The following CNTN3 variants were observed in gnomAD, a reference collection of about 807,000 sequenced individuals.
CNTN3 encodes the protein contactin-3.
Under a neutral mutation model 119.1 loss-of-function variants are expected in CNTN3, and 60 were observed. That is an observed-to-expected ratio of 0.50 (90% CI 0.41 to 0.62). The LOEUF (loss-of-function observed/expected upper bound fraction) is 0.62. Ranked by LOEUF, CNTN3 falls within the 20% of genes least tolerant of loss-of-function variation. CNTN3 has a pLI of 0.00. For missense variants in CNTN3, 1,101 were observed against 1,242.4 expected (o/e 0.89, Z 1.71); for synonymous variants, 450 against 438.7 (o/e 1.03, Z -0.32).
chr3:74,613,764 G>A (rs1424486575), intron 1 of CNTN3, among the ~76,000 whole-genome samples: 1 of 152,140 alleles, frequency 6.6e-6, no homozygotes, highest in Non-Finnish European at 1.5e-5. Flanking sequence ...GGTTAGCTTT[G>A]CAGGCTCCTC....
chr3:74,584,821 A>G (rs1704568099), intron 1 of CNTN3, among the ~76,000 whole-genome samples: 1 of 152,122 alleles, frequency 6.6e-6, no homozygotes, highest in Admixed American at 6.6e-5. Flanking sequence ...GGCTTATAGA[A>G]ATGTCATGCT....
intron 1 of CNTN3, among the ~76,000 whole-genome samples, chr3:74,599,264 G>C (rs1704866423): frequency 6.6e-6 from 1 of 152,070 alleles, no homozygotes; most frequent in Non-Finnish European, 1.5e-5. Flanking sequence ...TTCCTGCTTT[G>C]ATACTGCTCA....
chr3:74,289,723 G>C (rs1337641542), intron 19 of CNTN3, among the ~76,000 whole-genome samples: 3 of 152,142 alleles, frequency 2.0e-5, no homozygotes, highest in Non-Finnish European at 4.4e-5. Flanking sequence ...TGGAGAGCTC[G>C]AACAACTTGC....
chr3:74,454,496 A>T (rs1000779112), intron 4 of CNTN3, among the ~76,000 whole-genome samples: 1 of 152,008 alleles, frequency 6.6e-6, no homozygotes, highest in African/African-American at 2.4e-5. Flanking sequence ...TAATTGGAGA[A>T]TTTAGTCCAT....
At chr3:74,564,138 T>C (rs541902511) in intron 1 of CNTN3, among the ~76,000 whole-genome samples, 1 of 152,262 alleles carries the variant, frequency 6.6e-6, no homozygotes, top group Admixed American at 6.5e-5. Flanking sequence ...GCTTATGCTA[T>C]GGAGGAGATC....
intron 1 of CNTN3, among the ~76,000 whole-genome samples, chr3:74,596,857 T>C (rs1487473439): frequency 6.6e-6 from 1 of 152,064 alleles, no homozygotes; most frequent in Non-Finnish European, 1.5e-5. Context: ...TCAGAAGATA[T>C]TACTATTTAA....
intron 1 of CNTN3, among the ~76,000 whole-genome samples, chr3:74,545,801 T>A (rs565388236): frequency 2.9e-4 from 44 of 152,280 alleles, no homozygotes; most frequent in Admixed American, 1.1e-3. Context: ...CTGATAAGAT[T>A]TTTAAAGAAC....
chr3:74,325,520 T>A (rs1258585936), intron 13 of CNTN3, among the ~76,000 whole-genome samples: 1 of 151,990 alleles, frequency 6.6e-6, no homozygotes, highest in Non-Finnish European at 1.5e-5. Flanking sequence ...TTTAAAAAAA[T>A]GAAGGAAAAA....
intron 5 of CNTN3, among the ~76,000 whole-genome samples, chr3:74,396,686 C>T (rs1671479693): frequency 7.2e-6 from 1 of 139,682 alleles, no homozygotes; most frequent in Admixed American, 7.9e-5. Context: ...GCGGAGCTTG[C>T]AGTGAGCTGA....
chr3:74,550,198 T>G (rs1438424868), intron 1 of CNTN3, among the ~76,000 whole-genome samples: 1 of 152,178 alleles, frequency 6.6e-6, no homozygotes, highest in African/African-American at 2.4e-5. Flanking sequence ...AGGGTGATGC[T>G]GCAAGAAAGC....
At chr3:74,273,219 T>C (rs952103321) in intron 20 of CNTN3, among the ~76,000 whole-genome samples, 1 of 152,202 alleles carries the variant, frequency 6.6e-6, no homozygotes, top group Admixed American at 6.5e-5. Flanking sequence ...ACATTCAGAC[T>C]CATTCTTTCA....
chr3:74,410,448 T>C (rs951554008), intron 5 of CNTN3, among the ~76,000 whole-genome samples: 11 of 152,198 alleles, frequency 7.2e-5, no homozygotes, highest in African/African-American at 2.7e-4. Context: ...TTATACCAGA[T>C]GTCAGGTGTA....
chr3:74,550,534 T>C (rs7433101), intron 1 of CNTN3, among the ~76,000 whole-genome samples: 1 of 151,988 alleles, frequency 6.6e-6, no homozygotes, highest in African/African-American at 2.4e-5. Flanking sequence ...GTTGTTGTTG[T>C]TGGTGTTATT....
chr3:74,432,636 G>T (rs763880316), intron 4 of CNTN3, among the ~76,000 whole-genome samples: 1 of 152,140 alleles, frequency 6.6e-6, no homozygotes, highest in Non-Finnish European at 1.5e-5. Context: ...CTTTCTTCCT[G>T]CCTTATGGCA....
intron 5 of CNTN3, among the ~76,000 whole-genome samples, chr3:74,413,487 C>A (rs1701471241): frequency 1.3e-5 from 2 of 152,242 alleles, no homozygotes; most frequent in Middle Eastern, 3.4e-3. Context: ...CTGTAACCAG[C>A]AAATGGGAAA....
chr3:74,519,622 C>T (rs918126043), intron 2 of CNTN3, among the ~76,000 whole-genome samples: 1 of 151,600 alleles, frequency 6.6e-6, no homozygotes, highest in Admixed American at 6.6e-5. Context: ...TGCTGCAGTA[C>T]ATTTTGTGTC....
chr3:74,509,712 T>C (rs1703330609), intron 2 of CNTN3, among the ~76,000 whole-genome samples: 1 of 152,158 alleles, frequency 6.6e-6, no homozygotes, highest in Non-Finnish European at 1.5e-5. Flanking sequence ...TACCACCGTT[T>C]TGGAAGAAGC....
intron 5 of CNTN3, among the ~76,000 whole-genome samples, chr3:74,397,611 T>C (rs755115468): frequency 3.3e-5 from 5 of 152,144 alleles, no homozygotes; most frequent in Non-Finnish European, 7.3e-5. Flanking sequence ...CAATGGCCTC[T>C]AAGTGTTCAA....
intron 5 of CNTN3, among the ~76,000 whole-genome samples, chr3:74,385,048 A>G (rs1408677890): frequency 6.6e-6 from 1 of 152,188 alleles, no homozygotes; most frequent in African/African-American, 2.4e-5. Context: ...AGATCAAGCA[A>G]CCTCATAGCT....
Sources: gnomAD v4.1 joint callset for allele counts (sites outside exome capture counted in the v4.1 genomes callset) on GRCh38, gnomAD v4.1.1 for gene constraint, MANE v1.5 for transcripts, NCBI Gene and HGNC (gene_info 2026-07-23, HGNC 2026-07-21) for gene names.